PDE7A: variants seen among roughly 807,000 people sequenced by gnomAD.
PDE7A encodes phosphodiesterase 7A.
Under a neutral mutation model 64.3 loss-of-function variants are expected in PDE7A, and 39 were observed. That is an observed-to-expected ratio of 0.61 (90% confidence interval 0.47 to 0.79). PDE7A has a LOEUF of 0.79. PDE7A is among the 30% of genes least tolerant of loss of function. The pLI is 0.00. For missense variants in PDE7A, 470 were observed against 582.8 expected, an observed-to-expected ratio of 0.81 and a Z score of 1.99; for synonymous variants, 203 against 206.8, an observed-to-expected ratio of 0.98 and a Z score of 0.16.
Position 65,768,671 on chromosome 8 carries a change from T to C in PDE7A, c.283+11049A>G, listed in dbSNP as rs368813792. 5.9e-5 allele frequency among the ~76,000 whole-genome samples: 9 copies of C among 152,300 alleles called. No homozygotes were observed. The East Asian group carries it at 1.7e-3, about 29-fold the overall frequency. ...TCTCTTTTAATCACAAAATAGAACA[T>C]TTCCCAGAGAAGAAAATACTATTTC... is the stretch of plus-strand genomic sequence containing the variant. On this transcript the variant is annotated intron_variant, in intron 3 of 12. Transcript: ENST00000401827.
At chr8:65,784,720 C>A in intron 1 of PDE7A, among the ~76,000 whole-genome samples, 1 of 151,528 alleles carries the variant, frequency 6.6e-6, no homozygotes, top group East Asian at 1.9e-4. Context: ...CCTCTACTAT[C>A]CTCCCACCAA....
chr8:65,756,055 T>C (rs181068722), intron 3 of PDE7A, among the ~76,000 whole-genome samples: 5 of 152,382 alleles, frequency 3.3e-5, no homozygotes, highest in African/African-American at 1.2e-4. Flanking sequence ...GACAGTTTTT[T>C]GTTTTTGTTT....
chr8:65,750,490 G>GTA (rs1807886945), intron 3 of PDE7A, among the ~76,000 whole-genome samples: 1 of 139,440 alleles, frequency 7.2e-6, no homozygotes, highest in Non-Finnish European at 1.5e-5. Flanking sequence ...GTGTGTGTGT[G>GTA]TGTGTGTGTG....
At position 65,806,807 on chromosome 8, in the gene PDE7A, C is replaced by T. The variant is rs1438242407; in HGVS notation, c.139-23964G>A. ...ATTTGTTGAAAAGACTATTCTTTCC[C>T]CATTGGATGGCCTTGGTACCCTTGT... On this transcript the variant is annotated intron_variant, in intron 1 of 12. Transcript: ENST00000401827. Among the ~76,000 whole-genome samples, 3 of 152,160 alleles carry T rather than the reference C, an allele frequency of 2.0e-5. No individual in the cohort carries two copies. The South Asian group carries it at 6.2e-4, about 31-fold the overall frequency.
At chr8:65,772,591 G>C (rs1809137067) in intron 3 of PDE7A, among the ~76,000 whole-genome samples, 1 of 152,156 alleles carries the variant, frequency 6.6e-6, no homozygotes, top group African/African-American at 2.4e-5. Context: ...GTGCAAGGGA[G>C]AAAGGAAATA....
At chr8:65,827,512 TTTAA>T (rs1810707101) in intron 1 of PDE7A, among the ~76,000 whole-genome samples, 1 of 150,730 alleles carries the variant, frequency 6.6e-6, no homozygotes, top group Admixed American at 6.6e-5. Context: ...TAACACTCAC[TTTAA>T]TTTTCTTCAT....
chr8:65,719,642 A>G, intron 12 of PDE7A, 147 bp from the exon 13 acceptor site: 1 of 626,786 alleles, frequency 1.6e-6, no homozygotes, highest in South Asian at 1.9e-5. Context: ...TGTGTAGGTG[A>G]CAGAGTCTGT....
intron 1 of PDE7A, among the ~76,000 whole-genome samples, chr8:65,804,102 T>C (rs1292121076): frequency 6.6e-6 from 1 of 152,166 alleles, no homozygotes; most frequent in Non-Finnish European, 1.5e-5. Flanking sequence ...ACATACAATA[T>C]GTAACCCTCT....
chr8:65,806,509 C>T (rs926872767), intron 1 of PDE7A, among the ~76,000 whole-genome samples: 3 of 152,196 alleles, frequency 2.0e-5, no homozygotes, highest in Admixed American at 6.5e-5. Context: ...TTATGGTATG[C>T]AAATTCTTTC....
chr8:65,752,198 G>A (rs1808001860), intron 3 of PDE7A, among the ~76,000 whole-genome samples: 1 of 152,124 alleles, frequency 6.6e-6, no homozygotes, highest in Admixed American at 6.5e-5. Flanking sequence ...AGTTACCAGA[G>A]CATATTTTTT....
intron 3 of PDE7A, among the ~76,000 whole-genome samples, chr8:65,761,590 G>A (rs1195750960): frequency 1.3e-5 from 2 of 152,182 alleles, no homozygotes; most frequent in East Asian, 3.8e-4. Flanking sequence ...CTATTAAAGA[G>A]CAGTTGGCTT....
intron 1 of PDE7A, among the ~76,000 whole-genome samples, chr8:65,833,244 T>C (rs998614883): frequency 1.3e-5 from 2 of 152,208 alleles, no homozygotes; most frequent in African/African-American, 4.8e-5. Context: ...AGACTTTTTT[T>C]CTCCAGAGAA....
intron 12 of PDE7A, 160 bp downstream of exon 12, chr8:65,723,381 G>A: frequency 1.7e-6 from 1 of 587,742 alleles, no homozygotes; most frequent in Non-Finnish European, 2.5e-6. Context: ...ATGAGAATTA[G>A]AAGAGCCATA....
At chr8:65,780,715 T>C in intron 2 of PDE7A, 1 of 152,212 alleles carries the variant, frequency 6.6e-6, no homozygotes, top group East Asian at 1.9e-4. Flanking sequence ...TAAACCCAGC[T>C]CCATGGGTTC....
Position 65,757,910 on chromosome 8 carries a change from C to T in PDE7A, c.284-10107G>A, listed in dbSNP as rs1331257185. The stretch of plus-strand genomic sequence containing the variant: ...GGGATTACAGGTGTGAGCCACCACA[C>T]CCAGCCAACTCCAAGACTTTTAATG... On this transcript the variant is annotated intron_variant, in intron 3 of 12. Coordinates refer to ENST00000401827, the MANE Select transcript of PDE7A (RefSeq NM_001242318.3). Among the ~76,000 whole-genome samples the T allele has an allele frequency of 1.3e-5, 2 of 152,208 alleles. 1 individual carries two copies.
At chr8:65,757,733 C>T (rs1426146257) in intron 3 of PDE7A, among the ~76,000 whole-genome samples, 1 of 152,196 alleles carries the variant, frequency 6.6e-6, no homozygotes, top group African/African-American at 2.4e-5. Context: ...ATTCTTCTGC[C>T]TCAGCCTCCT....
chr8:65,727,451 C>T, intron 7 of PDE7A, 150 bp from the exon 8 acceptor site: 1 of 1,077,612 alleles, frequency 9.3e-7, no homozygotes, highest in East Asian at 2.6e-5. Flanking sequence ...TTAGGTTCAC[C>T]AAGCACATCT....
chr8:65,814,506 G>A (rs1169550812), intron 1 of PDE7A, among the ~76,000 whole-genome samples: 4 of 64,124 alleles, frequency 6.2e-5, no homozygotes, highest in Admixed American at 2.7e-4. Flanking sequence ...GCGAGACTCC[G>A]TCTCAAAAAA....
intron 1 of PDE7A, among the ~76,000 whole-genome samples, chr8:65,820,902 T>C (rs1340030867): frequency 6.6e-6 from 1 of 152,218 alleles, no homozygotes; most frequent in Admixed American, 6.5e-5. Context: ...AATTGTTGAT[T>C]TAAACAACTG....
Sources: gnomAD v4.1 joint callset for allele counts (sites outside exome capture counted in the v4.1 genomes callset) on GRCh38, gnomAD v4.1.1 for gene constraint, MANE v1.5 for transcripts, NCBI Gene and HGNC (gene_info 2026-07-23, HGNC 2026-07-21) for gene names.